The following WDR75 variants were observed in gnomAD, a reference collection of about 807,000 sequenced individuals.
The protein encoded by WDR75 is WD repeat-containing protein 75.
Under a neutral mutation model 106.1 loss-of-function variants are expected in WDR75, and 52 were observed. The observed-to-expected ratio is 0.49, with a 90% CI of 0.39 to 0.62. The LOEUF is 0.62. Ranked by LOEUF, WDR75 falls within the 20% of genes least tolerant of loss-of-function variation. WDR75 has a pLI of 0.00. For missense variants in WDR75, 905 were observed against 970.3 expected (o/e 0.93, Z 0.89); for synonymous variants, 333 against 335.5 (o/e 0.99, Z 0.08).
At chr2:189,468,682 C>A in intron 15 of WDR75, 113 bp downstream of exon 15, 2 of 1,026,922 alleles carry the variant, frequency 1.9e-6, no homozygotes, top group Non-Finnish European at 2.9e-6. Flanking sequence ...TTGGAATAGT[C>A]AGTTTTTTAC....
At chr2:189,453,141 T>C (rs1686661290) in intron 4 of WDR75, among the ~76,000 whole-genome samples, 1 of 152,236 alleles carries the variant, frequency 6.6e-6, no homozygotes, top group South Asian at 2.1e-4. Context: ...TTAAAAATAA[T>C]TAAGTCATCT....
At chr2:189,444,800 A>G (rs1686460968) in intron 1 of WDR75, among the ~76,000 whole-genome samples, 1 of 152,028 alleles carries the variant, frequency 6.6e-6, no homozygotes, top group South Asian at 2.1e-4. Flanking sequence ...CTGTTTCCTG[A>G]TACTACCCAT....
intron 18 of WDR75, among the ~76,000 whole-genome samples, chr2:189,472,849 C>T (rs555775143): frequency 6.6e-6 from 1 of 151,988 alleles, no homozygotes; most frequent in South Asian, 2.1e-4. Flanking sequence ...TTACTGATAA[C>T]AGTTATTTGT....
At position 189,448,469 on chromosome 2, in the gene WDR75, G is replaced by A; in HGVS notation, c.177G>A (p.Leu59=). ...ACATACTGCATGGACACAGAAATCT[G>A]GTGACTGGAATCCAGCTTAACCCCA... The part of the protein sequence containing the change: ...CVHILHGHRN[L]VTGIQLNPNN... Residue 59 remains leucine (L), a synonymous_variant, in exon 2 of 21, where the codon CTG becomes CTA. Coordinates refer to ENST00000314761, the MANE Select transcript of WDR75 (RefSeq NM_032168.3). The A allele has an allele frequency of 6.2e-6, 10 of 1,613,920 alleles. No individual in the cohort carries two copies. The highest frequency in any genetic ancestry group is 8.5e-6 in the Non-Finnish European group (10 of 1,179,884).
chr2:189,469,222 A>G, intron 15 of WDR75, 122 bp from the exon 16 acceptor site: 1 of 743,826 alleles, frequency 1.3e-6, no homozygotes, highest in African/African-American at 1.8e-5. Flanking sequence ...AAATCATTTC[A>G]GTGTGTCTCC....
intron 15 of WDR75, 78 bp from the exon 16 acceptor site, chr2:189,469,265 TC>T: frequency 1.9e-6 from 2 of 1,073,904 alleles, no homozygotes; most frequent in Non-Finnish European, 2.8e-6. Flanking sequence ...AGATTCCTCT[TC>T]CTAAGAATAA....
chr2:189,457,828 A>G (rs1005330723), intron 6 of WDR75, among the ~76,000 whole-genome samples: 3 of 152,106 alleles, frequency 2.0e-5, no homozygotes, highest in Admixed American at 6.5e-5. Flanking sequence ...GTACTGATGA[A>G]TGAGGTGACG....
At position 189,474,242 on chromosome 2, in the gene WDR75, C is replaced by A. The variant is rs559453775; in HGVS notation, c.2106C>A (p.His702Gln). The change falls in exon 19 of 21, where the codon CAC (histidine) becomes CAA (glutamine). Residue 702 changes from histidine (H) to glutamine (Q), a missense_variant. Physicochemically the swap from His to Gln is conservative, Grantham distance 24. Transcript: ENST00000314761. Reference sequence around the variant, plus strand: ...CATTTTATTTCATATTGGGAAAACACAGGCAACAGCAGGATGAAAAACTAA... The same window carrying A: ...CATTTTATTTCATATTGGGAAAACAAAGGCAACAGCAGGATGAAAAACTAA... ...TTPFYFILGKHRQQQDEKLNE... is the reference protein window; with the variant it reads ...TTPFYFILGKQRQQQDEKLNE... The A allele has an allele frequency of 9.3e-6, 15 of 1,613,836 alleles. No homozygotes were observed. In the African/African-American group the frequency reaches 1.7e-4, roughly 19 times the overall value.
At chr2:189,468,336 TCAGGA>T in intron 14 of WDR75, 134 bp from the exon 15 acceptor site, 2 of 696,894 alleles carry the variant, frequency 2.9e-6, no homozygotes, top group Admixed American at 2.9e-5. Flanking sequence ...ACTTTTTTCT[TCAGGA>T]TAATTATAAA....
At chr2:189,467,928 G>A (rs1687036175) in intron 14 of WDR75, among the ~76,000 whole-genome samples, 1 of 152,078 alleles carries the variant, frequency 6.6e-6, no homozygotes, top group Admixed American at 6.6e-5. Flanking sequence ...AAGCCTCAGG[G>A]GATCCAAACC....
chr2:189,469,286 T>C, intron 15 of WDR75, 58 bp from the exon 16 acceptor site: 1 of 1,399,276 alleles, frequency 7.1e-7, no homozygotes. Flanking sequence ...AGAGAAGTTT[T>C]TTAAAGCTTT....
intron 11 of WDR75, among the ~76,000 whole-genome samples, chr2:189,464,800 C>T (rs1469646047): frequency 6.6e-6 from 1 of 151,966 alleles, no homozygotes; most frequent in African/African-American, 2.4e-5. Flanking sequence ...ATTAACGGTT[C>T]TGTTGTATCA....
chr2:189,474,447 CTAAA>C, intron 19 of WDR75, 115 bp downstream of exon 19: 1 of 1,224,504 alleles, frequency 8.2e-7, no homozygotes, highest in Admixed American at 2.4e-5. Context: ...AATACCCAAA[CTAAA>C]TAACTAACAA....
At chr2:189,471,755 ACCT>A (rs1687124120) in intron 18 of WDR75, among the ~76,000 whole-genome samples, 1 of 151,812 alleles carries the variant, frequency 6.6e-6, no homozygotes, top group Admixed American at 6.6e-5. Flanking sequence ...GATTTGTTTG[ACCT>A]CTACTCTATT....
chr2:189,462,648 TC>T lies in WDR75; in HGVS notation c.937+7del, dbSNP rs777648748. ...CACTTCTCACTCTGATAATAGTAAGTCTAAATTTTTTATTATGAGGAAATAT... is the reference window on the plus strand; with the variant it reads ...CACTTCTCACTCTGATAATAGTAAGTTAAATTTTTTATTATGAGGAAATAT... On this transcript the variant is annotated splice_region_variant and intron_variant, in intron 9 of 20. Coordinates refer to ENST00000314761, the MANE Select transcript of WDR75 (RefSeq NM_032168.3). The T allele has an allele frequency of 5.8e-5, 93 of 1,612,336 alleles. No individual in the cohort carries two copies. The highest frequency in any genetic ancestry group is 7.6e-5 in the Non-Finnish European group (90 of 1,179,212).
intron 6 of WDR75, among the ~76,000 whole-genome samples, chr2:189,457,939 T>TA (rs1318070537): frequency 2.7e-5 from 4 of 149,830 alleles, no homozygotes; most frequent in Non-Finnish European, 5.9e-5. Flanking sequence ...TTTTTTTTTT[T>TA]TTTTGAGATG....
Position 189,467,457 on chromosome 2 carries a change from T to C in WDR75, c.1448-11T>C. On this transcript the variant is annotated splice_polypyrimidine_tract_variant and intron_variant, in intron 13 of 20. Coordinates refer to ENST00000314761, the MANE Select transcript of WDR75 (RefSeq NM_032168.3). ...CACAATTTCTGAACATTATGGCTTA[T>C]ATTTCCACAGAAAAAGCTGTTGGCT... is the stretch of plus-strand genomic sequence containing the variant. The C allele has an allele frequency of 1.3e-6, 2 of 1,591,240 alleles. No homozygotes were observed. Among genetic ancestry groups the C allele is most frequent in the Non-Finnish European group, 1.7e-6 (2 of 1,168,470 alleles).
intron 9 of WDR75, among the ~76,000 whole-genome samples, chr2:189,463,056 A>G (rs964294879): frequency 1.3e-5 from 2 of 152,158 alleles, no homozygotes; most frequent in African/African-American, 4.8e-5. Flanking sequence ...ATTTGATAGA[A>G]ATAGAGGCAG....
At chr2:189,443,784 G>A (rs1185242430) in intron 1 of WDR75, among the ~76,000 whole-genome samples, 1 of 152,204 alleles carries the variant, frequency 6.6e-6, no homozygotes, top group Non-Finnish European at 1.5e-5. Context: ...AGCCTTCTAT[G>A]TAAAGTCAGT....
Sources: gnomAD v4.1 joint callset for allele counts (sites outside exome capture counted in the v4.1 genomes callset) on GRCh38, gnomAD v4.1.1 for gene constraint, MANE v1.5 for transcripts, NCBI Gene and HGNC (gene_info 2026-07-23, HGNC 2026-07-21) for gene names.